Variants in OXSR1 observed in about 807,000 individuals in gnomAD.
OXSR1 encodes the protein oxidative stress responsive kinase 1, also known as serine/threonine-protein kinase OSR1.
OXSR1 carries 24 observed loss-of-function variants against 79.8 expected under a neutral mutation model. The ratio of observed to expected loss-of-function variants is 0.30; its 90% CI spans 0.22 to 0.42. The LOEUF is 0.42. Ranked by LOEUF, OXSR1 falls within the 10% of genes least tolerant of loss-of-function variation. The probability of loss-of-function intolerance (pLI) is 1.00; values close to 1 mark genes in which losing one functional copy is unlikely to be tolerated. For missense variants in OXSR1, 430 were observed against 618.4 expected (o/e 0.70, Z 3.23); for synonymous variants, 226 against 209.2 (o/e 1.08, Z -0.69).
At chr3:38,174,602 C>T (rs1448272166) in intron 1 of OXSR1, among the ~76,000 whole-genome samples, 1 of 151,974 alleles carries the variant, frequency 6.6e-6, no homozygotes, top group Non-Finnish European at 1.5e-5. Context: ...AAACAAACAC[C>T]TCAGGCTGCA....
In OXSR1 at chr3:38,211,994, C is replaced by T. The variant is rs1305379380; in HGVS notation, c.435-4102C>T. Reference sequence around the variant, plus strand: ...ATGGGAATTCTCTGACACTTTAAATCGTAGACTTTCAGCCTGGGCTGCATA... The same window carrying T: ...ATGGGAATTCTCTGACACTTTAAATTGTAGACTTTCAGCCTGGGCTGCATA... On this transcript the variant is annotated intron_variant, in intron 4 of 17. Transcript: ENST00000311806. 3.3e-5 allele frequency among the ~76,000 whole-genome samples: 5 copies of T among 152,188 alleles called. No homozygotes were observed. In the East Asian group the frequency reaches 9.6e-4, roughly 29 times the overall value.
chr3:38,174,400 G>A (rs1314286964), intron 1 of OXSR1, among the ~76,000 whole-genome samples: 1 of 152,086 alleles, frequency 6.6e-6, no homozygotes, highest in Non-Finnish European at 1.5e-5. Flanking sequence ...TGGCCAACAC[G>A]GTGAAACCCC....
intron 15 of OXSR1, 122 bp from the exon 16 acceptor site, chr3:38,251,281 G>A (rs1388660260): frequency 2.9e-5 from 22 of 758,970 alleles, no homozygotes; most frequent in Non-Finnish European, 4.0e-5. Context: ...TGCCTTCTTG[G>A]TTCTGTGGAT....
chr3:38,251,863 C>T (rs1318387557), intron 16 of OXSR1, among the ~76,000 whole-genome samples: 2 of 152,272 alleles, frequency 1.3e-5, no homozygotes, highest in African/African-American at 4.8e-5. Flanking sequence ...CCAGTGAGGC[C>T]ACAGGTCCAT....
intron 8 of OXSR1, among the ~76,000 whole-genome samples, chr3:38,228,936 G>A (rs1194020649): frequency 6.6e-6 from 1 of 152,162 alleles, no homozygotes; most frequent in Non-Finnish European, 1.5e-5. Flanking sequence ...GAACTTAGGG[G>A]CTTGGCCAAG....
intron 1 of OXSR1, among the ~76,000 whole-genome samples, chr3:38,166,490 A>G (rs1199280729): frequency 6.6e-6 from 1 of 152,002 alleles, no homozygotes; most frequent in African/African-American, 2.4e-5. Context: ...ATTAAATAAG[A>G]AGACAAAAAG....
In OXSR1 at chr3:38,177,824, A is replaced by G. The variant is rs141313456; in HGVS notation, c.71-5179A>G. Reference sequence around the variant, plus strand: ...GCTGGTCTTGAACTCCTGGCCCCAAATGATCCTCCTGCCTCAGCTTCCCAA... The same window carrying G: ...GCTGGTCTTGAACTCCTGGCCCCAAGTGATCCTCCTGCCTCAGCTTCCCAA... On this transcript the variant is annotated intron_variant, in intron 1 of 17. Coordinates refer to ENST00000311806, the MANE Select transcript of OXSR1 (RefSeq NM_005109.3). Among the ~76,000 whole-genome samples the G allele has an allele frequency of 2.7e-4, 41 of 150,476 alleles. No individual in the cohort carries two copies. In the East Asian group the frequency reaches 8.0e-3, roughly 29 times the overall value.
intron 1 of OXSR1, among the ~76,000 whole-genome samples, chr3:38,169,195 A>G (rs975865834): frequency 5.3e-5 from 8 of 152,078 alleles, no homozygotes; most frequent in Non-Finnish European, 8.8e-5. Flanking sequence ...ACTAATGATG[A>G]TGAACATCCT....
At chr3:38,241,228 A>G (rs1035067574) in intron 11 of OXSR1, among the ~76,000 whole-genome samples, 4 of 152,186 alleles carry the variant, frequency 2.6e-5, no homozygotes, top group South Asian at 4.1e-4. Flanking sequence ...TAGAATTCCA[A>G]GTGGGAATTC....
At chr3:38,236,275 A>G (rs1702916834) in intron 10 of OXSR1, among the ~76,000 whole-genome samples, 1 of 152,166 alleles carries the variant, frequency 6.6e-6, no homozygotes, top group African/African-American at 2.4e-5. Flanking sequence ...ATAACTCCTA[A>G]AACCAAAAAA....
chr3:38,238,329 A>G (rs1575367169), intron 11 of OXSR1, among the ~76,000 whole-genome samples: 1 of 152,134 alleles, frequency 6.6e-6, no homozygotes, highest in South Asian at 2.1e-4. Context: ...ATGGTTCAGT[A>G]TTAGGAAATC....
chr3:38,189,156 C>A (rs970366653), intron 2 of OXSR1, among the ~76,000 whole-genome samples: 1 of 152,128 alleles, frequency 6.6e-6, no homozygotes, highest in African/African-American at 2.4e-5. Context: ...ATGGTTCCCA[C>A]CTATTCTGTA....
At chr3:38,185,160 A>G (rs1159559185) in intron 2 of OXSR1, among the ~76,000 whole-genome samples, 1 of 151,948 alleles carries the variant, frequency 6.6e-6, no homozygotes, top group African/African-American at 2.4e-5. Context: ...ATATAACTAT[A>G]TAATTCGACA....
chr3:38,177,776 C>T lies in OXSR1; in HGVS notation c.71-5227C>T, dbSNP rs192694614. Among the ~76,000 whole-genome samples the T allele has an allele frequency of 4.2e-3, 639 of 152,044 alleles. 3 individuals carry two copies. Among genetic ancestry groups the T allele is most frequent in the Non-Finnish European group, 5.1e-3 (349 of 67,962 alleles). Reference sequence around the variant, plus strand: ...ATTTTTTTATTTTTCATTTTAGAGACGGGGTCTTGCCATGTTGCCCAGGCT... The same window carrying T: ...ATTTTTTTATTTTTCATTTTAGAGATGGGGTCTTGCCATGTTGCCCAGGCT... On this transcript the variant is annotated intron_variant, in intron 1 of 17. Transcript: ENST00000311806.
At chr3:38,195,378 G>A (rs1223302308) in intron 3 of OXSR1, among the ~76,000 whole-genome samples, 2 of 152,166 alleles carry the variant, frequency 1.3e-5, no homozygotes, top group Non-Finnish European at 2.9e-5. Flanking sequence ...GAGGATCCAG[G>A]TAAAATGTCT....
Position 38,198,785 on chromosome 3 carries a change from A to G in OXSR1, c.356A>G (p.Asp119Gly). The G allele has an allele frequency of 6.2e-7, 1 of 1,613,168 alleles. No individual in the cohort carries two copies. Among genetic ancestry groups the G allele is most frequent in the Non-Finnish European group, 8.5e-7 (1 of 1,179,136 alleles). The change falls in exon 4 of 18, where the codon GAT becomes GGT. Residue 119 changes from aspartate to glycine, a missense_variant. This residue lies in a region of OXSR1 where 145 missense variants were observed against 228.3 expected (regional missense o/e 0.64). Transcript: ENST00000311806. ...AKGEHKSGVL[D>G]ESTIATILRE... ...GGGGAACACAAAAGTGGAGTCCTAG[A>G]TGAATCTACCATTGCTACGATACTC...
chr3:38,178,958 G>A (rs1437622817), intron 1 of OXSR1, among the ~76,000 whole-genome samples: 1 of 151,594 alleles, frequency 6.6e-6, no homozygotes, highest in African/African-American at 2.4e-5. Flanking sequence ...CAGACTCCCA[G>A]GCTCAAGTGA....
At chr3:38,223,750 G>T in intron 6 of OXSR1, 62 bp from the exon 7 acceptor site, 1 of 1,232,006 alleles carries the variant, frequency 8.1e-7, no homozygotes. Flanking sequence ...ACCCTGGCCA[G>T]AAGCTAACTT....
At chr3:38,170,002 G>A (rs950874735) in intron 1 of OXSR1, among the ~76,000 whole-genome samples, 15 of 151,892 alleles carry the variant, frequency 9.9e-5, no homozygotes, top group African/African-American at 3.6e-4. Context: ...AGAGTGCTAG[G>A]ATTACAGGCG....
Sources: allele counts gnomAD v4.1 joint callset (sites outside exome capture counted in the v4.1 genomes callset), GRCh38; gene constraint gnomAD v4.1.1; regional missense constraint gnomAD v4.1.1; transcripts MANE v1.5; gene names NCBI Gene and HGNC (gene_info 2026-07-23, HGNC 2026-07-21).